CPZ: variants seen among roughly 807,000 people sequenced by gnomAD.
CPZ encodes the protein VEZT/CPZ fusion.
CPZ carries 103 observed loss-of-function variants against 61.8 expected under a neutral mutation model. That is an observed-to-expected ratio of 1.67 (90% confidence interval 1.42 to 1.96). The LOEUF is 1.96. CPZ is among the 30% of genes most tolerant of loss of function. The pLI is 0.00. For missense variants in CPZ, 1,461 were observed against 914.9 expected (o/e 1.60, Z -7.70); for synonymous variants, 551 against 373.7 (o/e 1.47, Z -5.47).
intron 5 of CPZ, 49 bp downstream of exon 5, chr4:8,606,234 C>T: frequency 6.5e-7 from 1 of 1,529,532 alleles, no homozygotes; most frequent in Non-Finnish European, 8.9e-7. Flanking sequence ...CGAACCACCC[C>T]CTCATTCATC....
Position 8,592,941 on chromosome 4 carries a change from C to G in CPZ, c.88+20C>G, listed in dbSNP as rs1218980995. 6.8e-7 allele frequency: 1 copy of G among 1,467,114 alleles called. No homozygotes were observed. Among genetic ancestry groups the G allele is most frequent in the African/African-American group, 1.4e-5 (1 of 71,362 alleles). 90.9% of individuals were successfully genotyped at this position (1,467,114 alleles called of 1,614,324 possible). ...CCGCCGGTAAGGCCGTCCCCTGCCC[C>G]CACCCTCCACCCTCCACCCTGCAAC... On this transcript the variant is annotated intron_variant, in intron 1 of 10. Coordinates refer to ENST00000360986, the MANE Select transcript of CPZ (RefSeq NM_001014447.3).
chr4:8,607,953 A>C (rs1372392693), intron 7 of CPZ, among the ~76,000 whole-genome samples: 1 of 152,114 alleles, frequency 6.6e-6, no homozygotes. Context: ...TCCGGGCCTC[A>C]GTTTCTCCTA....
chr4:8,606,235 C>T lies in CPZ; in HGVS notation c.906+50C>T, dbSNP rs568863187. 4.7e-5 allele frequency: 72 copies of T among 1,530,514 alleles called. No homozygotes were observed. In the South Asian group the frequency reaches 8.3e-4, roughly 18 times the overall value. 94.8% of individuals were successfully genotyped at this position (1,530,514 alleles called of 1,614,324 possible). ...TGTGGGCCACCGCCCGAACCACCCC[C>T]TCATTCATCCATTTATGAGTAGTTT... On this transcript the variant is annotated intron_variant, in intron 5 of 10. Coordinates refer to ENST00000360986, the MANE Select transcript of CPZ (RefSeq NM_001014447.3).
At chr4:8,615,444 A>G (rs113942941) in intron 9 of CPZ, among the ~76,000 whole-genome samples, 8 of 152,214 alleles carry the variant, frequency 5.3e-5, no homozygotes, top group African/African-American at 1.9e-4. Context: ...CAAGAATCAC[A>G]TAAATTGCAT....
chr4:8,609,599 GTC>G (rs1715477699), intron 7 of CPZ, among the ~76,000 whole-genome samples: 1 of 148,680 alleles, frequency 6.7e-6, no homozygotes, highest in Non-Finnish European at 1.5e-5. Flanking sequence ...CAGGGCAGGT[GTC>G]CCCCTCTGCA....
At chr4:8,611,995 C>T (rs577808848) in intron 7 of CPZ, 32 bp from the exon 8 acceptor site, 12 of 1,613,320 alleles carry the variant, frequency 7.4e-6, no homozygotes, top group African/African-American at 5.3e-5. Context: ...GCAGGGGACC[C>T]TTTCCTTATC....
intron 9 of CPZ, among the ~76,000 whole-genome samples, chr4:8,616,794 G>C (rs557842211): frequency 2.6e-4 from 39 of 152,308 alleles, no homozygotes; most frequent in African/African-American, 8.9e-4. Flanking sequence ...CCCGCTAAAT[G>C]CGAGTCCATG....
chr4:8,617,526 C>T (rs1363266961), intron 9 of CPZ, among the ~76,000 whole-genome samples: 2 of 152,172 alleles, frequency 1.3e-5, no homozygotes, highest in East Asian at 3.9e-4. Flanking sequence ...TATAGGAAAA[C>T]AGTCTCTCCA....
At chr4:8,607,144 G>GTT in intron 6 of CPZ, 123 bp from the exon 7 acceptor site, 1 of 1,239,468 alleles carries the variant, frequency 8.1e-7, no homozygotes, top group Non-Finnish European at 1.1e-6. Context: ...CAGCTGGTGC[G>GTT]TTGATGTAGA....
At chr4:8,597,227 A>C (rs1408065574) in intron 1 of CPZ, among the ~76,000 whole-genome samples, 1 of 152,128 alleles carries the variant, frequency 6.6e-6, no homozygotes, top group Non-Finnish European at 1.5e-5. Flanking sequence ...CCTGCACAGG[A>C]TGGGTGCTCA....
chr4:8,595,341 G>T (rs998120186), intron 1 of CPZ, among the ~76,000 whole-genome samples: 1 of 152,232 alleles, frequency 6.6e-6, no homozygotes, highest in Admixed American at 6.5e-5. Context: ...TCTGCAGGGG[G>T]ATCCGGGGAT....
rs776174679 is a variant in CPZ at position 8,614,518 on chromosome 4, G to A, written c.1503+20G>A. 1.2e-6 allele frequency: 2 copies of A among 1,610,702 alleles called. No individual in the cohort carries two copies. Among genetic ancestry groups the A allele is most frequent in the Non-Finnish European group, 1.7e-6 (2 of 1,178,220 alleles). The stretch of plus-strand genomic sequence containing the variant: ...GAGACGGTGAGTTCTGACGGTCTCA[G>A]GGCTCTGGTCCAGCTGTGGCCTGGG... On this transcript the variant is annotated intron_variant, in intron 9 of 10. Transcript: ENST00000360986.
intron 10 of CPZ, 59 bp downstream of exon 10, chr4:8,618,587 T>G: frequency 6.5e-7 from 1 of 1,531,266 alleles, no homozygotes; most frequent in South Asian, 1.1e-5. Flanking sequence ...TGCCACACCG[T>G]GGCAGCCGGC....
chr4:8,611,392 C>T, intron 7 of CPZ: 2 of 425,750 alleles, frequency 4.7e-6, no homozygotes, highest in Non-Finnish European at 4.9e-6. Flanking sequence ...GGGGAGGGAC[C>T]CAGGATCCCA....
At chr4:8,608,880 C>G (rs1217172220) in intron 7 of CPZ, among the ~76,000 whole-genome samples, 1 of 152,148 alleles carries the variant, frequency 6.6e-6, no homozygotes, top group Admixed American at 6.5e-5. Context: ...AGTGCTGTGG[C>G]CCAGCAGGAA....
chr4:8,609,496 C>T (rs925241052), intron 7 of CPZ, among the ~76,000 whole-genome samples: 1 of 152,260 alleles, frequency 6.6e-6, no homozygotes, highest in Middle Eastern at 3.2e-3. Context: ...TGGTTCTCTG[C>T]TCAGACCTCT....
Position 8,592,850 on chromosome 4 carries a change from C to CGCT in CPZ, c.24_26dup (p.Leu10dup), listed in dbSNP as rs776077781. On this transcript the variant is annotated inframe_insertion, in exon 1 of 11. Transcript: ENST00000360986. Reference sequence around the variant, plus strand: ...CGCCCCACCATGCCGCCCCCGCTGCCGCTGCTGCTCCTTACAGTCCTGGTC... The same window carrying CGCT: ...CGCCCCACCATGCCGCCCCCGCTGCCGCTGCTGCTGCTCCTTACAGTCCTGGTC... 181 of 1,483,128 alleles carry CGCT rather than the reference C, an allele frequency of 1.2e-4. No individual in the cohort carries two copies. The highest frequency in any genetic ancestry group is 1.5e-4 in the Non-Finnish European group (164 of 1,122,748). 91.9% of individuals were successfully genotyped at this position (1,483,128 alleles called of 1,614,324 possible).
chr4:8,613,194 C>T (rs80158668), intron 8 of CPZ, among the ~76,000 whole-genome samples: 8 of 147,360 alleles, frequency 5.4e-5, no homozygotes, highest in Non-Finnish European at 8.9e-5. Flanking sequence ...CACAGTGGTG[C>T]GATCGCAGCT....
At position 8,599,436 on chromosome 4, in the gene CPZ, C is replaced by T. The variant is rs760967912; in HGVS notation, c.89-17C>T. 5 of 1,604,490 alleles carry T rather than the reference C, an allele frequency of 3.1e-6. No homozygotes were observed. The highest frequency in any genetic ancestry group is 4.5e-5 in the East Asian group (2 of 44,586). On this transcript the variant is annotated splice_polypyrimidine_tract_variant and intron_variant, in intron 1 of 10. Coordinates refer to ENST00000360986, the MANE Select transcript of CPZ (RefSeq NM_001014447.3). ...TGGCGAGGCAGGTCCCTAACAGTGC[C>T]ATGTCTCTCTTTCCAGGTGAATGCC...
Sources: allele counts gnomAD v4.1 joint callset (sites outside exome capture counted in the v4.1 genomes callset), GRCh38; gene constraint gnomAD v4.1.1; transcripts MANE v1.5; gene names NCBI Gene and HGNC (gene_info 2026-07-23, HGNC 2026-07-21).